Variants in CCDC73 observed in about 807,000 individuals in gnomAD.
CCDC73 encodes coiled-coil domain-containing protein 73.
Under a neutral mutation model 116.5 loss-of-function variants are expected in CCDC73, and 95 were observed. The observed-to-expected ratio is 0.82, with a 90% CI of 0.69 to 0.97. The LOEUF is 0.97. Ranked by LOEUF, CCDC73 falls within the 50% of genes least tolerant of loss-of-function variation. The pLI is 0.00. For synonymous variants in CCDC73, 398 were observed against 401.3 expected (o/e 0.99, Z 0.10); for missense variants, 1,066 against 1,206.8 (o/e 0.88, Z 1.73).
the CCDC73 span, among the ~76,000 whole-genome samples, chr11:32,808,155 A>G: frequency 6.7e-6 from 1 of 149,630 alleles, no homozygotes; most frequent in Non-Finnish European, 1.5e-5. Flanking sequence ...ACCAAATTAA[A>G]GAAAGGATAA....
intron 1 of CCDC73, among the ~76,000 whole-genome samples, chr11:32,793,328 C>T (rs139877839): frequency 1.3e-5 from 2 of 152,254 alleles, no homozygotes; most frequent in South Asian, 2.1e-4. Flanking sequence ...CCATCCACAG[C>T]GTATTTGCTG....
chr11:32,616,658 T>A (rs988795972), intron 14 of CCDC73, among the ~76,000 whole-genome samples: 1 of 152,204 alleles, frequency 6.6e-6, no homozygotes, highest in African/African-American at 2.4e-5. Context: ...GCAGTATTTT[T>A]ATGTATCCTT....
chr11:32,713,661 C>T (rs1849920904), intron 3 of CCDC73, among the ~76,000 whole-genome samples: 1 of 152,068 alleles, frequency 6.6e-6, no homozygotes, highest in African/African-American at 2.4e-5. Context: ...AAAAGAAAAT[C>T]TCTTTCAGGA....
chr11:32,716,719 G>A (rs988131038), intron 3 of CCDC73, among the ~76,000 whole-genome samples: 4 of 151,998 alleles, frequency 2.6e-5, no homozygotes, highest in African/African-American at 4.8e-5. Flanking sequence ...ACACCACCAC[G>A]TCCTGCTAAT....
the CCDC73 span, among the ~76,000 whole-genome samples, chr11:32,803,789 T>C: frequency 6.6e-6 from 1 of 152,176 alleles, no homozygotes; most frequent in African/African-American, 2.4e-5. Flanking sequence ...GGTAATTTAT[T>C]AAACCTGGTG....
intron 6 of CCDC73, among the ~76,000 whole-genome samples, chr11:32,684,722 C>G (rs2036795): frequency 0.58 from 88,387 of 151,972 alleles, 26,035 homozygotes; most frequent in East Asian, 0.84. Context: ...AAAAGCCAGG[C>G]CTGTAATTCC....
intron 1 of CCDC73, among the ~76,000 whole-genome samples, chr11:32,764,283 A>T (rs919497172): frequency 1.3e-5 from 2 of 152,190 alleles, no homozygotes; most frequent in African/African-American, 2.4e-5. Context: ...ATACTCCTCG[A>T]GAAGAGCAAC....
chr11:32,663,696 G>T (rs1407236975), intron 9 of CCDC73, among the ~76,000 whole-genome samples: 2 of 152,124 alleles, frequency 1.3e-5, no homozygotes, highest in African/African-American at 4.8e-5. Context: ...GATTGCCCTG[G>T]TCAGAACTTC....
chr11:32,618,734 T>C (rs144686365), intron 14 of CCDC73, among the ~76,000 whole-genome samples: 113 of 152,230 alleles, frequency 7.4e-4, no homozygotes, highest in African/African-American at 2.7e-3. Context: ...TTACTTTTAG[T>C]AGAGATGGGG....
intron 3 of CCDC73, among the ~76,000 whole-genome samples, chr11:32,706,012 G>GA (rs3078271): frequency 0.098 from 13,282 of 135,348 alleles, 823 homozygotes; most frequent in African/African-American, 0.15. Flanking sequence ...TATATCAGCT[G>GA]AAAAAAAAAA....
At chr11:32,724,970 T>A (rs1447729584) in intron 2 of CCDC73, among the ~76,000 whole-genome samples, 1 of 152,178 alleles carries the variant, frequency 6.6e-6, no homozygotes, top group East Asian at 1.9e-4. Context: ...AATTTGTAAA[T>A]CATTATAAAT....
At chr11:32,687,566 G>C (rs1856213145) in intron 6 of CCDC73, among the ~76,000 whole-genome samples, 1 of 152,012 alleles carries the variant, frequency 6.6e-6, no homozygotes, top group East Asian at 1.9e-4. Context: ...TTGTAGTTTG[G>C]GATTGTAATT....
intron 9 of CCDC73, among the ~76,000 whole-genome samples, chr11:32,672,335 C>A (rs1251235095): frequency 2.0e-5 from 3 of 151,982 alleles, no homozygotes; most frequent in Non-Finnish European, 4.4e-5. Flanking sequence ...GAGCAAGACT[C>A]TGTCGAAAGA....
the CCDC73 span, among the ~76,000 whole-genome samples, chr11:32,811,717 A>G: frequency 1.3e-5 from 2 of 152,128 alleles, no homozygotes; most frequent in Non-Finnish European, 1.5e-5. Context: ...AGACTCTTTT[A>G]AACAACCAGA....
intron 3 of CCDC73, 90 bp downstream of exon 3, chr11:32,717,986 C>T: frequency 1.2e-6 from 1 of 839,418 alleles, no homozygotes; most frequent in Non-Finnish European, 1.9e-6. Flanking sequence ...TTACCTCCAC[C>T]TTGTCTCTCC....
intron 8 of CCDC73, 77 bp downstream of exon 8, chr11:32,675,809 T>C (rs1371001682): frequency 2.3e-6 from 3 of 1,288,954 alleles, no homozygotes; most frequent in Non-Finnish European, 3.2e-6. Flanking sequence ...ATCATAGATA[T>C]TCAATGTATT....
At chr11:32,804,702 T>C in the CCDC73 span, among the ~76,000 whole-genome samples, 2 of 152,212 alleles carry the variant, frequency 1.3e-5, no homozygotes, top group Non-Finnish European at 2.9e-5. Flanking sequence ...GTTAAAGATT[T>C]AGTCCATTTG....
At chr11:32,775,531 G>C (rs756455766) in intron 1 of CCDC73, among the ~76,000 whole-genome samples, 1 of 151,900 alleles carries the variant, frequency 6.6e-6, no homozygotes, top group Admixed American at 6.6e-5. Context: ...TACTAGCTTT[G>C]TGAGGTCAAA....
chr11:32,795,993 C>G (rs932343248), upstream of CCDC73, among the ~76,000 whole-genome samples: 3 of 151,934 alleles, frequency 2.0e-5, no homozygotes, highest in East Asian at 1.9e-4. Flanking sequence ...GCCGGCCCCC[C>G]GCCCTCAAAT....
Sources: gnomAD v4.1 joint callset for allele counts (sites outside exome capture counted in the v4.1 genomes callset) on GRCh38, gnomAD v4.1.1 for gene constraint, MANE v1.5 for transcripts, NCBI Gene and HGNC (gene_info 2026-07-23, HGNC 2026-07-21) for gene names.